Variants in FRMPD4 observed in about 807,000 individuals in gnomAD.
FRMPD4 encodes FERM and PDZ domain containing 4.
Under a neutral mutation model 94.1 loss-of-function variants are expected in FRMPD4, and 22 were observed. The observed-to-expected ratio is 0.23, with a 90% CI of 0.17 to 0.33. The LOEUF (loss-of-function observed/expected upper bound fraction) is 0.33. FRMPD4 is among the 10% of genes least tolerant of loss of function. The pLI is 1.00. For missense variants in FRMPD4, 1,111 were observed against 1,339.9 expected, an observed-to-expected ratio of 0.83 and a Z score of 2.67; for synonymous variants, 631 against 548.6, an observed-to-expected ratio of 1.15 and a Z score of -2.10.
chrX:12,718,909 C>T (rs894644354), intron 16 of FRMPD4, 119 bp downstream of exon 16: 10 of 476,960 alleles, frequency 2.1e-5, no homozygotes, highest in Non-Finnish European at 3.3e-5. Context: ...TTTTAAAAGG[C>T]CACAGAACTG....
chrX:12,621,471 G>A (rs1037703201), intron 4 of FRMPD4, among the ~76,000 whole-genome samples: 3 of 99,849 alleles, frequency 3.0e-5, no homozygotes, highest in Non-Finnish European at 6.1e-5. Context: ...GGATACAAGA[G>A]AACACAGACC....
chrX:12,561,203 T>A (rs1436325780), intron 2 of FRMPD4, among the ~76,000 whole-genome samples: 1 of 112,244 alleles, frequency 8.9e-6, no homozygotes, highest in African/African-American at 3.2e-5. Flanking sequence ...TCTCCAGATA[T>A]TTCCACTTTT....
At chrX:11,879,088 G>T (rs924613078) in intron 3 of FRMPD4, among the ~76,000 whole-genome samples, 25 of 111,587 alleles carry the variant, frequency 2.2e-4, no homozygotes, top group African/African-American at 8.1e-4. Context: ...ACCTTTTTTT[G>T]TTATGCAGTT....
At chrX:12,664,328 T>C (rs2059751813) in intron 4 of FRMPD4, among the ~76,000 whole-genome samples, 1 of 112,286 alleles carries the variant, frequency 8.9e-6, no homozygotes, top group Non-Finnish European at 1.9e-5. Flanking sequence ...AGTATGATAC[T>C]GGCTGTGGTT....
intron 1 of FRMPD4, among the ~76,000 whole-genome samples, chrX:12,398,510 T>G (rs7884665): frequency 0.086 from 9,503 of 110,996 alleles, 950 homozygotes; most frequent in African/African-American, 0.29. Flanking sequence ...GGTTCTAGGT[T>G]CTGGGTGAGG....
rs942093241 is a variant in FRMPD4 at position 12,566,418 on chromosome X, C to T, written c.159-43303C>T. 2.7e-5 allele frequency among the ~76,000 whole-genome samples: 3 copies of T among 111,092 alleles called. No homozygotes were observed. The Admixed American group carries it at 2.9e-4, about 11-fold the overall frequency. ...TTCTGTATATCATTTCTGATGTTAC[C>T]ACCATGACTGCCCCCTGAGTACTCA... On this transcript the variant is annotated intron_variant, in intron 2 of 16. Transcript: ENST00000675598.
intron 1 of FRMPD4, among the ~76,000 whole-genome samples, chrX:12,349,082 G>A (rs769838698): frequency 1.8e-5 from 2 of 111,347 alleles, no homozygotes; most frequent in Non-Finnish European, 3.8e-5. Flanking sequence ...GGGTGTGGGT[G>A]TCTCTGTCCC....
chrX:12,480,333 G>GAAAAAAAAAAAAAA lies in FRMPD4; in HGVS notation c.42-18341_42-18328dup, dbSNP rs35074731. ...AGACACTACAGAAATGAAAAGAAAT[G>GAAAAAAAAAAAAAA]AAAAAAAAAAAAAAAAAAAGCAAAA... is the stretch of plus-strand genomic sequence containing the variant. On this transcript the variant is annotated intron_variant, in intron 1 of 16. Transcript: ENST00000675598. Among the ~76,000 whole-genome samples the GAAAAAAAAAAAAAA allele has an allele frequency of 6.0e-4, 33 of 54,658 alleles. 1 individual carries two copies. The highest frequency in any genetic ancestry group is 1.3e-3 in the African/African-American group (17 of 13,301). 47.5% of individuals were successfully genotyped at this position (54,658 alleles called of 115,157 possible). A position where few individuals can be genotyped will look rare whatever the true frequency, so the allele number is the denominator to read the frequency against.
At chrX:12,621,255 C>A (rs539192598) in intron 4 of FRMPD4, among the ~76,000 whole-genome samples, 9 of 108,619 alleles carry the variant, frequency 8.3e-5, no homozygotes, top group Admixed American at 2.0e-4. Context: ...AACAAACAAA[C>A]AAAAAAAACG....
At chrX:12,100,386 G>C (rs1206114024) in intron 3 of FRMPD4, among the ~76,000 whole-genome samples, 2 of 111,701 alleles carry the variant, frequency 1.8e-5, no homozygotes, top group African/African-American at 6.5e-5. Context: ...AAAAAGTGGA[G>C]TTTAAGAGAG....
chrX:12,273,959 G>A (rs969414158), intron 1 of FRMPD4, among the ~76,000 whole-genome samples: 2 of 111,700 alleles, frequency 1.8e-5, no homozygotes. Context: ...TACCAGTTTC[G>A]TCAGTATGGA....
At chrX:12,474,939 G>A (rs2057573096) in intron 1 of FRMPD4, among the ~76,000 whole-genome samples, 1 of 111,551 alleles carries the variant, frequency 9.0e-6, no homozygotes, top group Non-Finnish European at 1.9e-5. Flanking sequence ...AGAAAAAGAG[G>A]GAATCCTCCC....
intron 3 of FRMPD4, among the ~76,000 whole-genome samples, chrX:12,127,250 C>T (rs1013885677): frequency 9.0e-6 from 1 of 111,726 alleles, no homozygotes; most frequent in Non-Finnish European, 1.9e-5. Context: ...TGAAAAAATA[C>T]CTGAGACTGG....
chrX:12,300,605 T>C (rs1438638524), intron 1 of FRMPD4, among the ~76,000 whole-genome samples: 1 of 112,210 alleles, frequency 8.9e-6, no homozygotes, highest in Non-Finnish European at 1.9e-5. Context: ...TATGAACAAA[T>C]GTGAGAAAAG....
chrX:12,434,997 T>A (rs923259110), intron 1 of FRMPD4, among the ~76,000 whole-genome samples: 1 of 112,591 alleles, frequency 8.9e-6, no homozygotes, highest in South Asian at 3.7e-4. Context: ...TGAGAAGTGA[T>A]CCCTTCACAG....
chrX:12,089,133 A>T (rs1055125450), intron 3 of FRMPD4, among the ~76,000 whole-genome samples: 1 of 112,162 alleles, frequency 8.9e-6, no homozygotes, highest in Non-Finnish European at 1.9e-5. Flanking sequence ...GATAATTGTA[A>T]TCATTCATTT....
chrX:11,975,979 G>A (rs768466645), intron 3 of FRMPD4, among the ~76,000 whole-genome samples: 71 of 111,965 alleles, frequency 6.3e-4, no homozygotes, highest in South Asian at 2.6e-3. Flanking sequence ...ATTTTAACAG[G>A]GGTCTCCAGA....
At chrX:12,111,110 A>T (rs2055357341) in intron 3 of FRMPD4, among the ~76,000 whole-genome samples, 1 of 111,922 alleles carries the variant, frequency 8.9e-6, no homozygotes, top group African/African-American at 3.3e-5. Context: ...CCGCATTCCC[A>T]AGACAATCCT....
rs940119274 is a variant in FRMPD4, at chrX:12,152,950, G to A, written c.41+13938G>A. On this transcript the variant is annotated intron_variant, in intron 1 of 16. Coordinates refer to ENST00000675598, the MANE Select transcript of FRMPD4 (RefSeq NM_001368397.1). ...TTTTTTTTTTTTTTTTTTTTGAGAC[G>A]GAGTCTCGCTCTGTTGCCCAGGCCG... 9.2e-5 allele frequency among the ~76,000 whole-genome samples: 8 copies of A among 86,558 alleles called. No homozygotes were observed. In the East Asian group the frequency reaches 1.1e-3, roughly 12 times the overall value. The allele number at this position is 86,558 out of a possible 115,157, so 75.2% of individuals were successfully genotyped here.
Sources: allele counts gnomAD v4.1 joint callset (sites outside exome capture counted in the v4.1 genomes callset), GRCh38; gene constraint gnomAD v4.1.1; transcripts MANE v1.5; gene names NCBI Gene and HGNC (gene_info 2026-07-23, HGNC 2026-07-21).